Variants in ADGB observed in about 807,000 individuals in gnomAD.
ADGB encodes the protein androglobin, also known as calpain-7-like protein.
A neutral mutation model predicts 210.5 loss-of-function variants in ADGB; 172 were observed. The observed-to-expected ratio is 0.82, with a 90% CI of 0.72 to 0.93. ADGB has a LOEUF of 0.93. ADGB is among the 40% of genes least tolerant of loss of function. ADGB has a pLI of 0.00. For missense variants in ADGB, 2,025 were observed against 1,964.8 expected, an observed-to-expected ratio of 1.03 and a Z score of -0.58; for synonymous variants, 658 against 662.7, an observed-to-expected ratio of 0.99 and a Z score of 0.11.
Position 146,691,287 on chromosome 6 carries a change from C to T in ADGB, c.1483C>T (p.Gln495Ter). The change falls in exon 11 of 36, where the codon CAA becomes TAA. Residue 495 changes from glutamine to a stop codon, truncating the protein, a stop_gained. Coordinates refer to ENST00000397944, the MANE Select transcript of ADGB (RefSeq NM_024694.4). LOFTEE classifies it high-confidence loss of function. ...GGAAACTGTTATAACAGATGAAGCT[C>T]AAGGTATGTATCACATCATCTTCAA... is the stretch of plus-strand genomic sequence containing the variant. The part of the protein sequence containing the change: ...KKETVITDEA[Q>*]ELIVKKPERF... 1 of 1,542,442 alleles carries T rather than the reference C, an allele frequency of 6.5e-7. No homozygotes were observed. The highest frequency in any genetic ancestry group is 8.7e-7 in the Non-Finnish European group (1 of 1,144,602).
At chr6:146,639,217 G>T (rs10457801) in intron 2 of ADGB, 44,800 of 153,010 alleles carry the variant, frequency 0.29, 7,555 homozygotes, top group Admixed American at 0.4. Context: ...TAGGAATTCA[G>T]TGCTTTGATA....
intron 2 of ADGB, chr6:146,639,256 C>G (rs1216537788): frequency 6.6e-6 from 1 of 152,502 alleles, no homozygotes; most frequent in Non-Finnish European, 1.5e-5. Context: ...ATTTCTTATA[C>G]CAAGCATGTT....
chr6:146,692,284 T>C (rs982610636), intron 11 of ADGB, among the ~76,000 whole-genome samples: 2 of 152,132 alleles, frequency 1.3e-5, no homozygotes, highest in African/African-American at 2.4e-5. Flanking sequence ...CTTTATTCAT[T>C]GAGAATTTCT....
At chr6:146,762,322 A>G (rs146689192) in intron 27 of ADGB, among the ~76,000 whole-genome samples, 113 of 152,068 alleles carry the variant, frequency 7.4e-4, no homozygotes, top group African/African-American at 2.5e-3. Flanking sequence ...GTCTATCCAG[A>G]TATTTTTTAT....
At position 146,801,181 on chromosome 6, in the gene ADGB, A is replaced by G. The variant is rs79060962; in HGVS notation, c.4538-2A>G. 6.8e-7 allele frequency: 1 copy of G among 1,465,548 alleles called. No individual in the cohort carries two copies. The highest frequency in any genetic ancestry group is 9.0e-7 in the Non-Finnish European group (1 of 1,106,520). 90.8% of individuals were successfully genotyped at this position (1,465,548 alleles called of 1,614,324 possible). ...TTTGTTGTGTGTGTGTTTTTTTTAAAGAAACAGGACCTCGTACACGATCTC... is the reference window on the plus strand; with the variant it reads ...TTTGTTGTGTGTGTGTTTTTTTTAAGGAAACAGGACCTCGTACACGATCTC... On this transcript the variant is annotated splice_acceptor_variant, in intron 33 of 35. Transcript: ENST00000397944. LOFTEE classifies it high-confidence loss of function.
intron 10 of ADGB, among the ~76,000 whole-genome samples, chr6:146,686,044 T>C (rs1776227687): frequency 6.6e-6 from 1 of 151,978 alleles, no homozygotes; most frequent in South Asian, 2.1e-4. Context: ...TGGCTAATTA[T>C]AAAAAAGGAA....
At chr6:146,775,443 A>C (rs1253468833) in intron 29 of ADGB, among the ~76,000 whole-genome samples, 1 of 152,164 alleles carries the variant, frequency 6.6e-6, no homozygotes, top group Non-Finnish European at 1.5e-5. Flanking sequence ...AAAACTGCTT[A>C]CTGAGATGGT....
At chr6:146,671,086 G>A (rs1000666087) in intron 7 of ADGB, among the ~76,000 whole-genome samples, 2 of 152,188 alleles carry the variant, frequency 1.3e-5, no homozygotes, top group Non-Finnish European at 2.9e-5. Flanking sequence ...AGGAGGAATA[G>A]GATGTGGGAA....
At chr6:146,619,984 CTTTG>C (rs141379403) in intron 1 of ADGB, among the ~76,000 whole-genome samples, 9,956 of 152,054 alleles carry the variant, frequency 0.065, 381 homozygotes, top group East Asian at 0.13. Flanking sequence ...TTCCCTCAGC[CTTTG>C]TTTGTCTGGG....
chr6:146,799,410 T>C (rs1778091281), intron 33 of ADGB, among the ~76,000 whole-genome samples: 1 of 151,904 alleles, frequency 6.6e-6, no homozygotes. Context: ...GGCACGTGCC[T>C]GTAATCCCAG....
chr6:146,635,328 A>G, intron 1 of ADGB, 47 bp from the exon 2 acceptor site: 1 of 1,346,176 alleles, frequency 7.4e-7, no homozygotes, highest in Non-Finnish European at 9.6e-7. Context: ...ATTTGATCTC[A>G]GAGATTTTAA....
At chr6:146,780,445 C>G (rs1356492344) in intron 29 of ADGB, among the ~76,000 whole-genome samples, 1 of 152,054 alleles carries the variant, frequency 6.6e-6, no homozygotes, top group Admixed American at 6.6e-5. Context: ...ATTATATGCT[C>G]TCTGTAAACA....
At chr6:146,642,392 C>A (rs1308226494) in intron 2 of ADGB, among the ~76,000 whole-genome samples, 1 of 151,840 alleles carries the variant, frequency 6.6e-6, no homozygotes, top group Admixed American at 6.6e-5. Flanking sequence ...GGCTATATAC[C>A]CAGAGCAACA....
intron 13 of ADGB, among the ~76,000 whole-genome samples, chr6:146,711,705 T>C (rs1419531529): frequency 4.6e-5 from 7 of 152,160 alleles, no homozygotes; most frequent in Non-Finnish European, 1.0e-4. Flanking sequence ...ATCCTTTGTC[T>C]TTTAATTTTA....
intron 26 of ADGB, among the ~76,000 whole-genome samples, chr6:146,749,925 C>T (rs1777294459): frequency 6.6e-6 from 1 of 152,062 alleles, no homozygotes; most frequent in South Asian, 2.1e-4. Context: ...GGAATTCCAT[C>T]CCCATGATCC....
rs182233341 is a variant in ADGB, at chr6:146,781,327, A to C, written c.3863-693A>C. On this transcript the variant is annotated intron_variant, in intron 29 of 35. Transcript: ENST00000397944. ...CACTGCACTCCAGCCTGGGCGACAG[A>C]GTGAGACTCCATCTCAAAAGAAAAA... Among the ~76,000 whole-genome samples, 152 of 151,656 alleles carry C rather than the reference A, an allele frequency of 1.0e-3. 2 individuals carry two copies. The East Asian group carries it at 0.019, about 19-fold the overall frequency.
intron 20 of ADGB, among the ~76,000 whole-genome samples, chr6:146,731,265 C>T (rs1282750117): frequency 1.3e-5 from 2 of 152,002 alleles, no homozygotes; most frequent in East Asian, 3.9e-4. Context: ...GATAGTGCCC[C>T]CACCCTTAAG....
At chr6:146,709,766 C>T (rs1247851555) in intron 13 of ADGB, among the ~76,000 whole-genome samples, 2 of 152,152 alleles carry the variant, frequency 1.3e-5, no homozygotes, top group Non-Finnish European at 2.9e-5. Flanking sequence ...TTCCTTCTCC[C>T]AAGTAGAGGG....
chr6:146,808,601 C>G (rs1274639361), intron 35 of ADGB, among the ~76,000 whole-genome samples: 1 of 152,240 alleles, frequency 6.6e-6, no homozygotes, highest in Non-Finnish European at 1.5e-5. Context: ...TCATGACTAT[C>G]TCAAAACTCT....
Sources: allele counts gnomAD v4.1 joint callset (sites outside exome capture counted in the v4.1 genomes callset), GRCh38; gene constraint gnomAD v4.1.1; transcripts MANE v1.5; gene names NCBI Gene and HGNC (gene_info 2026-07-23, HGNC 2026-07-21).